The following LINGO2 variants were observed in gnomAD, a reference collection of about 807,000 sequenced individuals.
The protein encoded by LINGO2 is leucine-rich repeat and immunoglobulin-like domain-containing nogo receptor-interacting protein 2.
Under a neutral mutation model 30.6 loss-of-function variants are expected in LINGO2, and 14 were observed. That is an observed-to-expected ratio of 0.46 (90% CI 0.30 to 0.72). The LOEUF (loss-of-function observed/expected upper bound fraction) is 0.72. Ranked by LOEUF, LINGO2 falls within the 30% of genes least tolerant of loss-of-function variation. LINGO2 has a pLI of 0.07. For missense variants in LINGO2, 729 were observed against 751.7 expected (o/e 0.97, Z 0.35); for synonymous variants, 317 against 288.5 (o/e 1.10, Z -1.00).
chr9:28,505,557 T>C lies in LINGO2; in HGVS notation c.-364-29532A>G, dbSNP rs544117747. 1.2e-4 allele frequency among the ~76,000 whole-genome samples: 18 copies of C among 152,064 alleles called. No individual in the cohort carries two copies. In the East Asian group the frequency reaches 1.9e-3, roughly 16 times the overall value. The stretch of plus-strand genomic sequence containing the variant: ...TGCTATAAGACAATTCATATCTTTT[T>C]AAAAGAAATAGATCATGATGATTAT... On this transcript the variant is annotated intron_variant, in intron 1 of 5. Transcript: ENST00000379992.
chr9:28,174,940 G>A (rs972758400), intron 4 of LINGO2, among the ~76,000 whole-genome samples: 2 of 151,852 alleles, frequency 1.3e-5, no homozygotes, highest in African/African-American at 2.4e-5. Context: ...GAGAGAGAGA[G>A]AGAGAGAGAC....
At chr9:29,156,684 C>T in the LINGO2 span, among the ~76,000 whole-genome samples, 12 of 151,988 alleles carry the variant, frequency 7.9e-5, no homozygotes, top group Non-Finnish European at 1.6e-4. Flanking sequence ...TCATTACTAA[C>T]GTAATACTTT....
chr9:28,270,132 C>A (rs1822888974), intron 4 of LINGO2, among the ~76,000 whole-genome samples: 2 of 152,220 alleles, frequency 1.3e-5, no homozygotes, highest in South Asian at 4.1e-4. Flanking sequence ...CTGAGTTCGG[C>A]AAAGTGACAG....
the LINGO2 span, among the ~76,000 whole-genome samples, chr9:29,039,822 C>A: frequency 2.6e-5 from 4 of 152,048 alleles, no homozygotes; most frequent in Admixed American, 6.6e-5. Flanking sequence ...GTGAACAAAG[C>A]GCTTGAAAAA....
intron 1 of LINGO2, among the ~76,000 whole-genome samples, chr9:28,630,687 C>G (rs184062425): frequency 6.6e-6 from 1 of 152,026 alleles, no homozygotes; most frequent in Non-Finnish European, 1.5e-5. Flanking sequence ...AGAGATGAGG[C>G]TTGCAAAGAT....
At chr9:29,025,870 A>G in the LINGO2 span, among the ~76,000 whole-genome samples, 1 of 152,076 alleles carries the variant, frequency 6.6e-6, no homozygotes, top group Non-Finnish European at 1.5e-5. Flanking sequence ...TGGATTCCAC[A>G]TCTGAGAGGC....
At chr9:27,954,515 A>C (rs972393985) in intron 5 of LINGO2, among the ~76,000 whole-genome samples, 2 of 152,166 alleles carry the variant, frequency 1.3e-5, no homozygotes, top group African/African-American at 2.4e-5. Context: ...GTTGCTGCAA[A>C]CAACACTTTA....
rs568725109 is a variant in LINGO2 at position 28,560,547 on chromosome 9, T to C, written c.-364-84522A>G. On this transcript the variant is annotated intron_variant, in intron 1 of 5. Transcript: ENST00000379992. ...ATACGTATACACATCCTATTGATTG[T>C]CTTTTTTCTAAAGAATTATGACTAA... Among the ~76,000 whole-genome samples, 82 of 152,252 alleles carry C rather than the reference T, an allele frequency of 5.4e-4. 1 individual carries two copies. Among genetic ancestry groups the C allele is most frequent in the African/African-American group, 1.8e-3 (76 of 41,578 alleles).
chr9:28,758,175 T>C, the LINGO2 span, among the ~76,000 whole-genome samples: 3 of 152,056 alleles, frequency 2.0e-5, no homozygotes, highest in Admixed American at 2.0e-4. Flanking sequence ...ACCTGTTCAT[T>C]ACTTGTCCCA....
chr9:28,642,995 C>T (rs1435579682), intron 1 of LINGO2, among the ~76,000 whole-genome samples: 2 of 151,876 alleles, frequency 1.3e-5, no homozygotes, highest in Admixed American at 1.3e-4. Flanking sequence ...AGTGAAATAG[C>T]TCAATAATGA....
chr9:28,477,294 T>C (rs541148358), intron 1 of LINGO2, among the ~76,000 whole-genome samples: 15 of 152,246 alleles, frequency 9.9e-5, no homozygotes, highest in African/African-American at 3.6e-4. Flanking sequence ...TAATTTAATA[T>C]TTACAAAAAC....
the LINGO2 span, among the ~76,000 whole-genome samples, chr9:28,750,667 C>G: frequency 1.3e-5 from 2 of 151,956 alleles, no homozygotes; most frequent in Non-Finnish European, 2.9e-5. Context: ...TGTTTATATA[C>G]TCTTGGGGAA....
chr9:28,278,375 A>C (rs1300606402), intron 4 of LINGO2, among the ~76,000 whole-genome samples: 1 of 152,232 alleles, frequency 6.6e-6, no homozygotes, highest in African/African-American at 2.4e-5. Context: ...TTTTGGAAGA[A>C]GGTGCCATCT....
At chr9:29,104,718 T>C in the LINGO2 span, among the ~76,000 whole-genome samples, 3 of 152,284 alleles carry the variant, frequency 2.0e-5, no homozygotes, top group East Asian at 5.8e-4. Context: ...TTCAACCTAT[T>C]TTCTTCTGTT....
chr9:28,104,455 C>T (rs1315480916), intron 4 of LINGO2, among the ~76,000 whole-genome samples: 1 of 151,776 alleles, frequency 6.6e-6, no homozygotes, highest in Non-Finnish European at 1.5e-5. Flanking sequence ...CAGATTCTCC[C>T]TCTATGATCT....
At chr9:28,893,073 C>T in the LINGO2 span, among the ~76,000 whole-genome samples, 3 of 151,866 alleles carry the variant, frequency 2.0e-5, no homozygotes, top group African/African-American at 4.8e-5. Context: ...ATATTTTAAA[C>T]GTCTACAAAA....
At chr9:28,091,437 A>G (rs1826082283) in intron 4 of LINGO2, among the ~76,000 whole-genome samples, 1 of 152,210 alleles carries the variant, frequency 6.6e-6, no homozygotes, top group Non-Finnish European at 1.5e-5. Context: ...CCTGACAAAA[A>G]CACAAAACAG....
the LINGO2 span, among the ~76,000 whole-genome samples, chr9:29,062,829 C>T: frequency 6.6e-6 from 1 of 152,102 alleles, no homozygotes; most frequent in Non-Finnish European, 1.5e-5. Flanking sequence ...TATGTCACAT[C>T]CTTTCCTGAC....
the LINGO2 span, among the ~76,000 whole-genome samples, chr9:29,141,488 A>T: frequency 6.8e-4 from 103 of 152,030 alleles, 1 homozygote; most frequent in African/African-American, 2.4e-3. Context: ...AAAGACAGTA[A>T]GAGAGGAAAA....
Sources: allele counts gnomAD v4.1 joint callset (sites outside exome capture counted in the v4.1 genomes callset), GRCh38; gene constraint gnomAD v4.1.1; transcripts MANE v1.5; gene names NCBI Gene and HGNC (gene_info 2026-07-23, HGNC 2026-07-21).